Variants in DYSF observed in about 807,000 individuals in gnomAD.
DYSF encodes the protein dystrophy-associated fer-1-like 1.
A neutral mutation model predicts 274.9 loss-of-function variants in DYSF; 212 were observed. The ratio of observed to expected loss-of-function variants is 0.77; its 90% CI spans 0.69 to 0.86. The LOEUF is 0.86. DYSF is among the 40% of genes least tolerant of loss of function. DYSF has a pLI of 0.00. For synonymous variants in DYSF, 1,091 were observed against 1,078.7 expected (o/e 1.01, Z -0.22); for missense variants, 2,666 against 2,783.2 (o/e 0.96, Z 0.95).
chr2:71,493,341 C>T (rs1330049534), intron 3 of DYSF, among the ~76,000 whole-genome samples: 1 of 152,144 alleles, frequency 6.6e-6, no homozygotes, highest in African/African-American at 2.4e-5. Context: ...TTTCTATAGC[C>T]TCCTTTAATC....
rs76754685 is a variant in DYSF at position 71,643,561 on chromosome 2, T to C, written c.4528-404T>C. Among the ~76,000 whole-genome samples the C allele has an allele frequency of 8.7e-3, 1,324 of 152,304 alleles. 65 individuals carry two copies. Among genetic ancestry groups the C allele is most frequent in the Admixed American group, 0.075 (1,144 of 15,290 alleles). ...TCTACTGCATTTTGTTCATAAATAA[T>C]ACATTATTGACATTTTCCCCTAAGA... On this transcript the variant is annotated intron_variant, in intron 41 of 55. Transcript: ENST00000410020.
chr2:71,455,388 C>A (rs1395541822), intron 1 of DYSF, among the ~76,000 whole-genome samples: 1 of 152,152 alleles, frequency 6.6e-6, no homozygotes, highest in Non-Finnish European at 1.5e-5. Context: ...AGAGTGGGGA[C>A]CAAGGGGGTG....
chr2:71,547,553 T>A (rs1573904822), intron 17 of DYSF, among the ~76,000 whole-genome samples: 1 of 152,238 alleles, frequency 6.6e-6, no homozygotes, highest in East Asian at 1.9e-4. Flanking sequence ...GAGGCAGAAT[T>A]GCTGGAACCT....
At chr2:71,642,987 G>A (rs150599788) in intron 41 of DYSF, among the ~76,000 whole-genome samples, 10 of 152,296 alleles carry the variant, frequency 6.6e-5, no homozygotes, top group East Asian at 1.9e-4. Context: ...TCCTGAAGCC[G>A]TGTCCTTGGC....
chr2:71,620,503 T>A, intron 40 of DYSF, 44 bp from the exon 41 acceptor site: 1 of 1,550,076 alleles, frequency 6.5e-7, no homozygotes. Flanking sequence ...TTCCCTAAAG[T>A]GGGTTCTCTA....
chr2:71,614,009 T>C (rs1206142204), intron 40 of DYSF, among the ~76,000 whole-genome samples: 3 of 152,204 alleles, frequency 2.0e-5, no homozygotes, highest in Non-Finnish European at 4.4e-5. Flanking sequence ...TTTTGCTGCA[T>C]ACTCAGCAAC....
At chr2:71,617,761 G>GGTGT in intron 40 of DYSF, among the ~76,000 whole-genome samples, 1 of 83,464 alleles carries the variant, frequency 1.2e-5, no homozygotes, top group Admixed American at 1.3e-4. Flanking sequence ...GGGTAGAGGT[G>GGTGT]GTGTGTGTGG....
At chr2:71,540,148 G>A (rs1218052657) in intron 17 of DYSF, among the ~76,000 whole-genome samples, 2 of 133,302 alleles carry the variant, frequency 1.5e-5, no homozygotes, top group Non-Finnish European at 3.1e-5. Context: ...GTCTTGCCCT[G>A]TTGCCAGGCT....
intron 3 of DYSF, among the ~76,000 whole-genome samples, chr2:71,489,558 A>G (rs900233497): frequency 5.3e-5 from 8 of 152,180 alleles, no homozygotes; most frequent in Admixed American, 3.3e-4. Flanking sequence ...TCCTATGTCA[A>G]TGAGTTTCAT....
chr2:71,597,639 A>G (rs2093437520), intron 32 of DYSF, among the ~76,000 whole-genome samples: 1 of 152,114 alleles, frequency 6.6e-6, no homozygotes, highest in Non-Finnish European at 1.5e-5. Flanking sequence ...AGTCTGCTCT[A>G]GTGACACCAA....
chr2:71,551,271 C>A, intron 18 of DYSF, 115 bp downstream of exon 18: 2 of 1,053,324 alleles, frequency 1.9e-6, no homozygotes, highest in Non-Finnish European at 2.9e-6. Flanking sequence ...ACCTGGCAGC[C>A]AACCCCTCAG....
intron 3 of DYSF, among the ~76,000 whole-genome samples, chr2:71,498,428 G>A (rs2084635897): frequency 6.6e-6 from 1 of 152,182 alleles, no homozygotes. Context: ...TCCTGGGTGG[G>A]GACCACATGA....
chr2:71,526,922 C>T (rs769250356), intron 13 of DYSF, among the ~76,000 whole-genome samples: 6 of 152,224 alleles, frequency 3.9e-5, no homozygotes, highest in East Asian at 3.8e-4. Context: ...AGTGGGCACC[C>T]GACTTGCAAC....
chr2:71,582,048 G>A (rs1272620760), intron 30 of DYSF, among the ~76,000 whole-genome samples: 2 of 144,066 alleles, frequency 1.4e-5, no homozygotes, highest in Non-Finnish European at 3.0e-5. Context: ...CAGAGGTTGC[G>A]GTGAACTGTG....
intron 40 of DYSF, among the ~76,000 whole-genome samples, chr2:71,619,445 C>G (rs1024183906): frequency 2.0e-5 from 3 of 152,134 alleles, no homozygotes; most frequent in Non-Finnish European, 4.4e-5. Context: ...CCCCAAACGT[C>G]CCTCCTGGGC....
At chr2:71,484,045 C>CTTTTTTT (rs59780652) in intron 3 of DYSF, among the ~76,000 whole-genome samples, 7 of 67,594 alleles carry the variant, frequency 1.0e-4, no homozygotes, top group Admixed American at 2.4e-4. Flanking sequence ...GGAGATTTCC[C>CTTTTTTT]TTTTTTTTTT....
intron 1 of DYSF, among the ~76,000 whole-genome samples, chr2:71,455,864 C>G (rs2081040702): frequency 6.6e-6 from 1 of 152,130 alleles, no homozygotes; most frequent in Admixed American, 6.5e-5. Flanking sequence ...CCACATGCCC[C>G]CTCTGCACCC....
chr2:71,552,299 C>G (rs1159371228), intron 19 of DYSF, among the ~76,000 whole-genome samples: 1 of 152,222 alleles, frequency 6.6e-6, no homozygotes, highest in Non-Finnish European at 1.5e-5. Context: ...CCGGCTGCAT[C>G]AGTTTCCCTA....
intron 22 of DYSF, among the ~76,000 whole-genome samples, chr2:71,558,810 A>G (rs981718104): frequency 1.2e-4 from 18 of 151,976 alleles, no homozygotes; most frequent in African/African-American, 4.3e-4. Context: ...AGAATGCATA[A>G]TGCCTCTCTG....
Sources: allele counts gnomAD v4.1 joint callset (sites outside exome capture counted in the v4.1 genomes callset), GRCh38; gene constraint gnomAD v4.1.1; transcripts MANE v1.5; gene names NCBI Gene and HGNC (gene_info 2026-07-23, HGNC 2026-07-21).